Variants in EPN2 observed in about 807,000 individuals in gnomAD.
The protein encoded by EPN2 is epsin 2.
EPN2 carries 34 observed loss-of-function variants against 61.7 expected under a neutral mutation model. The observed-to-expected ratio is 0.55, with a 90% CI of 0.42 to 0.73. The LOEUF is 0.73. Ranked by LOEUF, EPN2 falls within the 30% of genes least tolerant of loss-of-function variation. The probability of loss-of-function intolerance (pLI) is 0.00; values close to 1 mark genes in which losing one functional copy is unlikely to be tolerated. For missense variants in EPN2, 714 were observed against 839.2 expected (o/e 0.85, Z 1.84); for synonymous variants, 349 against 353.6 (o/e 0.99, Z 0.15).
chr17:19,253,410 CTTTTTTTTTT>C (rs59492982), intron 1 of EPN2, among the ~76,000 whole-genome samples: 1 of 101,856 alleles, frequency 9.8e-6, no homozygotes, highest in Non-Finnish European at 1.9e-5. Flanking sequence ...TAAATAGTTG[CTTTTTTTTTT>C]TTTTTTTTTT....
intron 4 of EPN2, among the ~76,000 whole-genome samples, chr17:19,301,832 C>T (rs1460164856): frequency 6.6e-6 from 1 of 152,218 alleles, no homozygotes; most frequent in Non-Finnish European, 1.5e-5. Flanking sequence ...TATGGTCTCT[C>T]CTTACTAGAA....
chr17:19,325,368 C>T (rs1442295248), intron 7 of EPN2, among the ~76,000 whole-genome samples: 1 of 152,162 alleles, frequency 6.6e-6, no homozygotes, highest in African/African-American at 2.4e-5. Flanking sequence ...AATTACAAAA[C>T]CCAAGCCAGG....
intron 10 of EPN2, among the ~76,000 whole-genome samples, chr17:19,333,686 G>T (rs1190223837): frequency 6.6e-6 from 1 of 152,202 alleles, no homozygotes; most frequent in South Asian, 2.1e-4. Context: ...AGGGTGCCCC[G>T]AGATGGGTGT....
At position 19,335,662 on chromosome 17, in the gene EPN2, G is replaced by T. The variant is rs1460814385; in HGVS notation, c.*1408G>T. On this transcript the variant is annotated 3_prime_UTR_variant, in exon 11 of 11. Transcript: ENST00000314728. ...AGGGCTGGCCCTGATCCACCTACCT[G>T]CTAACTCCAGATATTATTTTTAAGT... The T allele has an allele frequency of 2.2e-5, 9 of 416,298 alleles. No individual in the cohort carries two copies. In the East Asian group the frequency reaches 3.2e-4, roughly 15 times the overall value. 25.8% of individuals were successfully genotyped at this position (416,298 alleles called of 1,614,324 possible). A position where few individuals can be genotyped will look rare whatever the true frequency, so the allele number is the denominator to read the frequency against.
chr17:19,310,083 A>G (rs1448572013), intron 5 of EPN2, 86 bp downstream of exon 5: 3 of 911,516 alleles, frequency 3.3e-6, no homozygotes, highest in Non-Finnish European at 5.3e-6. Context: ...TGGCAGACAC[A>G]GCCCTGTCTT....
At chr17:19,295,366 A>ACG (rs1555600589) in intron 4 of EPN2, among the ~76,000 whole-genome samples, 93 of 140,390 alleles carry the variant, frequency 6.6e-4, no homozygotes, top group East Asian at 1.8e-3. Flanking sequence ...ACACACACAC[A>ACG]CGCGCGTGCG....
At chr17:19,295,487 G>T (rs999789962) in intron 4 of EPN2, among the ~76,000 whole-genome samples, 6 of 152,042 alleles carry the variant, frequency 3.9e-5, no homozygotes, top group Non-Finnish European at 7.4e-5. Context: ...AGCCGAGATC[G>T]TGCCATTAGA....
In EPN2 at chr17:19,250,628, A is replaced by G. The variant is rs1014962288; in HGVS notation, c.-294+13097A>G. Among the ~76,000 whole-genome samples, 3 of 152,292 alleles carry G rather than the reference A, an allele frequency of 2.0e-5. No individual in the cohort carries two copies. The East Asian group carries it at 5.8e-4, about 29-fold the overall frequency. On this transcript the variant is annotated intron_variant, in intron 1 of 10. Coordinates refer to ENST00000314728, the MANE Select transcript of EPN2 (RefSeq NM_014964.5). Reference sequence around the variant, plus strand: ...TACTGTTGCCTGGTAACAGTGGGTCAGAGCCAGTGTCGGCGCCATCTCTAG... The same window carrying G: ...TACTGTTGCCTGGTAACAGTGGGTCGGAGCCAGTGTCGGCGCCATCTCTAG...
chr17:19,279,036 GT>G (rs78169404), intron 1 of EPN2, among the ~76,000 whole-genome samples: 3 of 151,320 alleles, frequency 2.0e-5, no homozygotes, highest in East Asian at 1.9e-4. Context: ...GCCTTATTTC[GT>G]TTTTTTTTAC....
chr17:19,267,127 C>G (rs1486840234), intron 1 of EPN2, among the ~76,000 whole-genome samples: 1 of 151,856 alleles, frequency 6.6e-6, no homozygotes, highest in Non-Finnish European at 1.5e-5. Flanking sequence ...GCGTGAGCCA[C>G]TGCGCCCGGC....
At chr17:19,263,852 C>T (rs889403986) in intron 1 of EPN2, among the ~76,000 whole-genome samples, 6 of 151,932 alleles carry the variant, frequency 3.9e-5, no homozygotes, top group African/African-American at 9.7e-5. Flanking sequence ...TGAAGAACAT[C>T]CCTGTTTTCT....
At chr17:19,323,352 C>T (rs181056232) in intron 7 of EPN2, among the ~76,000 whole-genome samples, 76 of 152,276 alleles carry the variant, frequency 5.0e-4, no homozygotes, top group African/African-American at 1.7e-3. Flanking sequence ...AGAGTGAGGA[C>T]ACCTAACACA....
At chr17:19,328,960 C>T in intron 8 of EPN2, 73 bp downstream of exon 8, 1 of 1,393,884 alleles carries the variant, frequency 7.2e-7, no homozygotes, top group Non-Finnish European at 9.9e-7. Context: ...CTCCTGGCTC[C>T]TAGGCATCAG....
In EPN2 at chr17:19,274,587, A is replaced by G. The variant is rs1273673644; in HGVS notation, c.-293-7368A>G. Among the ~76,000 whole-genome samples, 8 of 152,264 alleles carry G rather than the reference A, an allele frequency of 5.3e-5. No homozygotes were observed. In the East Asian group the frequency reaches 1.2e-3, roughly 22 times the overall value. On this transcript the variant is annotated intron_variant, in intron 1 of 10. Coordinates refer to ENST00000314728, the MANE Select transcript of EPN2 (RefSeq NM_014964.5). ...ATCTTCAATGATGGCTGCTCCCCATAGTTTCCTTAGGGACTTGATGTAGAC... is the reference window on the plus strand; with the variant it reads ...ATCTTCAATGATGGCTGCTCCCCATGGTTTCCTTAGGGACTTGATGTAGAC...
At chr17:19,282,212 G>A (rs925329268) in intron 2 of EPN2, 135 bp downstream of exon 2, 1 of 152,172 alleles carries the variant, frequency 6.6e-6, no homozygotes, top group African/African-American at 2.4e-5. Context: ...TTTTAAGGCT[G>A]TATTAGCTTG....
At chr17:19,294,422 A>C (rs1354034044) in intron 4 of EPN2, among the ~76,000 whole-genome samples, 1 of 152,236 alleles carries the variant, frequency 6.6e-6, no homozygotes, top group Non-Finnish European at 1.5e-5. Context: ...CCTTTCTCAA[A>C]AGAAAAAAAA....
intron 4 of EPN2, among the ~76,000 whole-genome samples, chr17:19,298,909 G>A (rs1905332919): frequency 6.6e-6 from 1 of 152,148 alleles, no homozygotes; most frequent in Non-Finnish European, 1.5e-5. Context: ...TGTAAATAAT[G>A]CTGTGGTAAA....
Position 19,332,041 on chromosome 17 carries a change from C to T in EPN2, c.1600C>T (p.Gln534Ter). The change falls in exon 10 of 11, where the codon CAG becomes TAG. Residue 534 changes from glutamine (Q) to a stop codon, truncating the protein, a stop_gained. Coordinates refer to ENST00000314728, the MANE Select transcript of EPN2 (RefSeq NM_014964.5). LOFTEE classifies it high-confidence loss of function. ...GGTGACCAGGCCTGCCCCACCAGCC[C>T]AGTCCCTCAACCCTTTCCTGGCACC... ...SLVTRPAPPAQSLNPFLAPGA... is the reference protein window; with the variant it reads ...SLVTRPAPPA 1.2e-6 allele frequency: 2 copies of T among 1,612,166 alleles called. No homozygotes were observed. Among genetic ancestry groups the T allele is most frequent in the Non-Finnish European group, 8.5e-7 (1 of 1,179,912 alleles).
intron 1 of EPN2, among the ~76,000 whole-genome samples, chr17:19,264,508 G>T (rs1483717430): frequency 1.3e-5 from 2 of 152,156 alleles, no homozygotes; most frequent in Non-Finnish European, 2.9e-5. Flanking sequence ...GCTGATTCTC[G>T]CTGGCTGCCA....
Sources: allele counts gnomAD v4.1 joint callset (sites outside exome capture counted in the v4.1 genomes callset), GRCh38; gene constraint gnomAD v4.1.1; transcripts MANE v1.5; gene names NCBI Gene and HGNC (gene_info 2026-07-23, HGNC 2026-07-21).